The following UBXN8 variants were observed in gnomAD, a reference collection of about 807,000 sequenced individuals.
The protein encoded by UBXN8 is UBX domain protein 8.
In UBXN8, 27 loss-of-function variants were observed where a neutral mutation model predicts 32.1. The observed-to-expected ratio is 0.84, with a 90% CI of 0.62 to 1.16. The LOEUF is 1.16. Among genes scored for constraint, UBXN8 ranks in the 50% most tolerant of loss-of-function variants. The pLI is 0.00. For synonymous variants in UBXN8, 109 were observed against 111.8 expected, an observed-to-expected ratio of 0.98 and a Z score of 0.16; for missense variants, 306 against 311.4, an observed-to-expected ratio of 0.98 and a Z score of 0.13.
At chr8:30,758,438 A>G (rs1478816913) in intron 5 of UBXN8, among the ~76,000 whole-genome samples, 2 of 152,180 alleles carry the variant, frequency 1.3e-5, no homozygotes, top group African/African-American at 4.8e-5. Flanking sequence ...CAAATCTTCA[A>G]TCCTTAACTA....
upstream of UBXN8, among the ~76,000 whole-genome samples, chr8:30,731,302 T>C (rs1417667925): frequency 6.6e-6 from 1 of 152,112 alleles, no homozygotes; most frequent in Non-Finnish European, 1.5e-5. Flanking sequence ...TAGATACCGG[T>C]GCTGAACATT....
chr8:30,744,417 C>G, intron 1 of UBXN8, 140 bp downstream of exon 1: 1 of 791,014 alleles, frequency 1.3e-6, no homozygotes, highest in Non-Finnish European at 2.1e-6. Flanking sequence ...CCTGCCCCCC[C>G]ACTTCCGGAG....
At chr8:30,764,873 A>C (rs1174830091) in intron 7 of UBXN8, among the ~76,000 whole-genome samples, 1 of 152,062 alleles carries the variant, frequency 6.6e-6, no homozygotes, top group Non-Finnish European at 1.5e-5. Context: ...AACATGGTGA[A>C]ACCTTGTCTC....
chr8:30,758,274 T>A (rs775431153), intron 5 of UBXN8, among the ~76,000 whole-genome samples: 2 of 152,214 alleles, frequency 1.3e-5, no homozygotes, highest in Non-Finnish European at 2.9e-5. Context: ...AGCATTCCTA[T>A]TAACTTAAGA....
chr8:30,759,300 G>A (rs1325029627), intron 5 of UBXN8, among the ~76,000 whole-genome samples: 1 of 151,844 alleles, frequency 6.6e-6, no homozygotes, highest in Non-Finnish European at 1.5e-5. Flanking sequence ...CAGTGGCACA[G>A]TCATGGCTCA....
intron 5 of UBXN8, among the ~76,000 whole-genome samples, chr8:30,758,020 C>T (rs567818490): frequency 3.9e-4 from 60 of 151,970 alleles, no homozygotes; most frequent in Admixed American, 1.6e-3. Flanking sequence ...CTCAGCCTCC[C>T]GAGTAGCTGG....
upstream of UBXN8, chr8:30,732,282 C>A (rs186657708): frequency 1.7e-3 from 666 of 397,460 alleles, 5 homozygotes; most frequent in East Asian, 0.023. Flanking sequence ...CAGTCGGGTG[C>A]GCCAAGAGAA....
At position 30,758,528 on chromosome 8, in the gene UBXN8, G is replaced by C. The variant is rs79507552; in HGVS notation, c.528+1641G>C. 8.6e-3 allele frequency among the ~76,000 whole-genome samples: 1,314 copies of C among 152,296 alleles called. 13 individuals carry two copies. Among genetic ancestry groups the C allele is most frequent in the Middle Eastern group, 0.044 (13 of 294 alleles). On this transcript the variant is annotated intron_variant, in intron 5 of 7. Transcript: ENST00000265616. ...GGCCCTTAGGGAAAGCTGGGAGGCT[G>C]TCTATTCCCTGAAAATAGTTTCTAA...
At chr8:30,731,418 C>T (rs189768166), upstream of UBXN8, among the ~76,000 whole-genome samples, 32 of 152,290 alleles carry the variant, frequency 2.1e-4, no homozygotes, top group Admixed American at 1.6e-3. Context: ...CGGACTTGTA[C>T]TGTAGGAAGA....
intron 1 of UBXN8, among the ~76,000 whole-genome samples, chr8:30,750,617 C>CA (rs1397487703): frequency 6.6e-6 from 1 of 151,590 alleles, no homozygotes; most frequent in Non-Finnish European, 1.5e-5. Flanking sequence ...CTAAAAAATA[C>CA]AAAAAATTAG....
chr8:30,748,212 G>A (rs1419247528), intron 1 of UBXN8, among the ~76,000 whole-genome samples: 1 of 150,930 alleles, frequency 6.6e-6, no homozygotes, highest in Non-Finnish European at 1.5e-5. Context: ...TGCAACTTCC[G>A]CCTTCTGGGT....
chr8:30,733,446 T>A (rs991009623), intron 1 of UBXN8: 1 of 152,190 alleles, frequency 6.6e-6, no homozygotes, highest in African/African-American at 2.4e-5. Flanking sequence ...CTTGCAATTA[T>A]TAGAAGCAGT....
At chr8:30,760,807 C>A in intron 5 of UBXN8, 81 bp from the exon 6 acceptor site, 1 of 837,400 alleles carries the variant, frequency 1.2e-6, no homozygotes, top group Admixed American at 2.8e-5. Context: ...TGTCTAAACT[C>A]TGTATTGAGA....
At chr8:30,738,347 C>CT (rs1048788049) in intron 1 of UBXN8, among the ~76,000 whole-genome samples, 1 of 151,574 alleles carries the variant, frequency 6.6e-6, no homozygotes, top group African/African-American at 2.4e-5. Context: ...AATCAAGACT[C>CT]TGTCTTTTTA....
chr8:30,742,079 A>G (rs532426890), upstream of UBXN8, among the ~76,000 whole-genome samples: 8 of 152,184 alleles, frequency 5.3e-5, 1 homozygote, highest in African/African-American at 1.9e-4. Flanking sequence ...CATGATGAAC[A>G]CAAGATACAG....
chr8:30,754,877 G>A, intron 4 of UBXN8, 90 bp downstream of exon 4: 5 of 1,430,676 alleles, frequency 3.5e-6, no homozygotes, highest in Non-Finnish European at 4.6e-6. Flanking sequence ...ATGTTAGACT[G>A]CTTTTAGGAG....
intron 4 of UBXN8, among the ~76,000 whole-genome samples, chr8:30,755,255 G>T (rs142126607): frequency 1.1e-3 from 170 of 152,044 alleles, no homozygotes; most frequent in African/African-American, 4.0e-3. Flanking sequence ...GAGCCCAGCT[G>T]GTCTTTGTTT....
upstream of UBXN8, among the ~76,000 whole-genome samples, chr8:30,731,479 G>T (rs915526446): frequency 2.6e-5 from 4 of 152,292 alleles, no homozygotes; most frequent in African/African-American, 7.2e-5. Flanking sequence ...CCTTGCCCTT[G>T]TTGAGAAGGG....
rs1196366158 is a variant in UBXN8 at position 30,760,443 on chromosome 8, A to ATATATATTTT, written c.529-444_529-443insATATATTTTT. On this transcript the variant is annotated intron_variant, in intron 5 of 7. Coordinates refer to ENST00000265616, the MANE Select transcript of UBXN8 (RefSeq NM_005671.4). ...ATCATATATATATATATATATATAT[A>ATATATATTTT]TTTTTTTTTTTTTTTAAAGTGACAG... Among the ~76,000 whole-genome samples, 14 of 91,094 alleles carry ATATATATTTT rather than the reference A, an allele frequency of 1.5e-4. No individual in the cohort carries two copies. In the South Asian group the frequency reaches 2.0e-3, roughly 13 times the overall value. The allele number at this position is 91,094 out of a possible 152,430, so 59.8% of individuals were successfully genotyped here.
Sources: allele counts gnomAD v4.1 joint callset (sites outside exome capture counted in the v4.1 genomes callset), GRCh38; gene constraint gnomAD v4.1.1; transcripts MANE v1.5; gene names NCBI Gene and HGNC (gene_info 2026-07-23, HGNC 2026-07-21).